Variants in TTC28 observed in about 807,000 individuals in gnomAD.
TTC28 encodes tetratricopeptide repeat protein 28.
In TTC28, 61 loss-of-function variants were observed where a neutral mutation model predicts 198.0. The observed-to-expected ratio is 0.31, with a 90% CI of 0.25 to 0.38. TTC28 has a LOEUF of 0.38. Ranked by LOEUF, TTC28 falls within the 10% of genes least tolerant of loss-of-function variation. The pLI is 1.00. For synonymous variants in TTC28, 1,171 were observed against 1,297.8 expected (o/e 0.90, Z 2.10); for missense variants, 2,678 against 3,164.0 (o/e 0.85, Z 3.69).
chr22:28,002,971 G>A (rs1307995175), intron 14 of TTC28, among the ~76,000 whole-genome samples: 3 of 152,202 alleles, frequency 2.0e-5, no homozygotes, highest in African/African-American at 4.8e-5. Context: ...GGGACAGAGC[G>A]AGACTGTGTC....
At chr22:28,428,125 CAA>C (rs374249842) in intron 2 of TTC28, among the ~76,000 whole-genome samples, 59 of 99,700 alleles carry the variant, frequency 5.9e-4, no homozygotes, top group Non-Finnish European at 5.0e-4. Context: ...TACCGTAAGA[CAA>C]AAAAAAAAAA....
chr22:28,596,489 C>A (rs1477601594), intron 2 of TTC28, among the ~76,000 whole-genome samples: 1 of 152,066 alleles, frequency 6.6e-6, no homozygotes, highest in East Asian at 1.9e-4. Context: ...GTAGATGGCA[C>A]TAAAAGGAAA....
At chr22:28,152,702 T>G (rs1943638657) in intron 6 of TTC28, among the ~76,000 whole-genome samples, 1 of 152,230 alleles carries the variant, frequency 6.6e-6, no homozygotes, top group African/African-American at 2.4e-5. Context: ...CCATATATCA[T>G]TCTGAGAATC....
intron 6 of TTC28, among the ~76,000 whole-genome samples, chr22:28,110,615 T>C (rs1047260912): frequency 4.6e-5 from 7 of 152,146 alleles, no homozygotes; most frequent in Middle Eastern, 3.2e-3. Context: ...GGTACACTTA[T>C]ACAATGGAAT....
chr22:28,001,469 C>T lies in TTC28; in HGVS notation c.4303G>A (p.Ala1435Thr), dbSNP rs973137274. 1.3e-5 allele frequency: 20 copies of T among 1,551,482 alleles called. No individual in the cohort carries two copies. The highest frequency in any genetic ancestry group is 9.8e-5 in the Admixed American group (5 of 50,998). Residue 1435 changes from alanine (A) to threonine (T), a missense_variant, in exon 15 of 23, where the codon GCC (alanine) becomes ACC (threonine). Physicochemically the swap from Ala to Thr is moderately conservative, Grantham distance 58. Coordinates refer to ENST00000397906, the MANE Select transcript of TTC28 (RefSeq NM_001145418.2). ...TTGGAGGAGCTTCCCTTCAGGAGGG[C>T]GAAAGGAATGAGGTAGAGCTCCCCC... is the stretch of plus-strand genomic sequence containing the variant. ...LEGELYLIPF[A>T]LLKGSSSNEY... is the part of the protein sequence containing the mutation.
intron 12 of TTC28, among the ~76,000 whole-genome samples, chr22:28,048,832 C>T (rs1159210121): frequency 1.3e-5 from 2 of 152,152 alleles, no homozygotes; most frequent in African/African-American, 4.8e-5. Context: ...ATTCTCTTGA[C>T]CTAGACTCTC....
chr22:28,052,203 G>A (rs910711737), intron 12 of TTC28, among the ~76,000 whole-genome samples: 10 of 152,170 alleles, frequency 6.6e-5, no homozygotes, highest in Non-Finnish European at 1.0e-4. Flanking sequence ...AACAAAACAA[G>A]CTTTTGCTGG....
chr22:28,106,381 C>T (rs1942302834), intron 7 of TTC28, among the ~76,000 whole-genome samples: 1 of 152,140 alleles, frequency 6.6e-6, no homozygotes, highest in Non-Finnish European at 1.5e-5. Context: ...TAAGAGAAGA[C>T]ACGATAAGCG....
intron 2 of TTC28, among the ~76,000 whole-genome samples, chr22:28,582,045 C>A (rs925211814): frequency 6.6e-6 from 1 of 151,620 alleles, no homozygotes; most frequent in Non-Finnish European, 1.5e-5. Context: ...ATTTTATGAC[C>A]TATAAAGCAA....
At position 28,503,551 on chromosome 22, in the gene TTC28, G is replaced by C. The variant is rs996211975; in HGVS notation, c.381+126001C>G. ...TTCAGTTTCTGTAGCTATAAAAAGAGAATAATAAAAATGCTACCTCACTGA... is the reference window on the plus strand; with the variant it reads ...TTCAGTTTCTGTAGCTATAAAAAGACAATAATAAAAATGCTACCTCACTGA... On this transcript the variant is annotated intron_variant, in intron 2 of 22. Transcript: ENST00000397906. Among the ~76,000 whole-genome samples the C allele has an allele frequency of 3.7e-4, 56 of 152,088 alleles. 1 individual carries two copies. The highest frequency in any genetic ancestry group is 2.6e-3 in the Admixed American group (39 of 15,260).
intron 2 of TTC28, among the ~76,000 whole-genome samples, chr22:28,527,108 G>A (rs747163083): frequency 5.9e-5 from 9 of 152,084 alleles, no homozygotes; most frequent in Non-Finnish European, 1.0e-4. Context: ...GTAAATATGA[G>A]GACACCAGTG....
At chr22:28,081,237 G>C (rs1489465256) in intron 12 of TTC28, among the ~76,000 whole-genome samples, 1 of 151,994 alleles carries the variant, frequency 6.6e-6, no homozygotes, top group African/African-American at 2.4e-5. Flanking sequence ...CTGGAGTGCA[G>C]TGGCACCATC....
At chr22:28,262,044 G>C (rs1010933642) in intron 5 of TTC28, among the ~76,000 whole-genome samples, 1 of 152,070 alleles carries the variant, frequency 6.6e-6, no homozygotes, top group African/African-American at 2.4e-5. Context: ...GATAACTTCA[G>C]GCTTTAAATG....
intron 5 of TTC28, among the ~76,000 whole-genome samples, chr22:28,253,797 C>T (rs1930691033): frequency 6.6e-6 from 1 of 152,096 alleles, no homozygotes; most frequent in Admixed American, 6.5e-5. Flanking sequence ...ATGATGGTAT[C>T]ATTAAGCAAT....
rs77135548 is a variant in TTC28 at position 28,063,947 on chromosome 22, A to T, written c.3932+30133T>A. ...TAGTCAATGAAGGTTTAACTGGGGG[A>T]GTCACAGGAGAGCTGTGTTTTAGGA... On this transcript the variant is annotated intron_variant, in intron 12 of 22. Coordinates refer to ENST00000397906, the MANE Select transcript of TTC28 (RefSeq NM_001145418.2). Among the ~76,000 whole-genome samples the T allele has an allele frequency of 8.6e-3, 1,303 of 152,274 alleles. 30 individuals are homozygous for T. The highest frequency in any genetic ancestry group is 0.029 in the African/African-American group (1,198 of 41,554).
At chr22:28,381,292 T>C (rs918811464) in intron 2 of TTC28, among the ~76,000 whole-genome samples, 4 of 152,098 alleles carry the variant, frequency 2.6e-5, no homozygotes, top group South Asian at 2.1e-4. Context: ...ACCAGTCCAA[T>C]AGAAATTATA....
At chr22:28,451,498 T>C (rs749959685) in intron 2 of TTC28, among the ~76,000 whole-genome samples, 1 of 152,230 alleles carries the variant, frequency 6.6e-6, no homozygotes, top group Non-Finnish European at 1.5e-5. Context: ...CTTAATGTCA[T>C]AGATAGGTTT....
chr22:28,089,899 G>A (rs1941759566), intron 12 of TTC28, among the ~76,000 whole-genome samples: 1 of 151,618 alleles, frequency 6.6e-6, no homozygotes, highest in Non-Finnish European at 1.5e-5. Context: ...TCACTCACAG[G>A]TGGGAATTGA....
intron 5 of TTC28, among the ~76,000 whole-genome samples, chr22:28,233,973 C>T (rs1351816125): frequency 2.6e-5 from 4 of 151,036 alleles, no homozygotes; most frequent in African/African-American, 7.3e-5. Context: ...GCGGCACAAT[C>T]TTGGCTCACT....
Sources: gnomAD v4.1 joint callset for allele counts (sites outside exome capture counted in the v4.1 genomes callset) on GRCh38, gnomAD v4.1.1 for gene constraint, MANE v1.5 for transcripts, NCBI Gene and HGNC (gene_info 2026-07-23, HGNC 2026-07-21) for gene names.